The following FHIT variants were observed in gnomAD, a reference collection of about 807,000 sequenced individuals.
FHIT encodes the protein fragile histidine triad diadenosine triphosphatase.
A neutral mutation model predicts 17.9 loss-of-function variants in FHIT; 19 were observed. That is an observed-to-expected ratio of 1.06 (90% CI 0.74 to 1.56). FHIT has a LOEUF of 1.56. Among genes scored for constraint, FHIT ranks in the 40% most tolerant of loss-of-function variants. FHIT has a pLI of 0.00. For synonymous variants in FHIT, 81 were observed against 69.7 expected (o/e 1.16, Z -0.81); for missense variants, 248 against 189.2 (o/e 1.31, Z -1.82).
chr3:60,473,599 T>G (rs569018863), intron 5 of FHIT, among the ~76,000 whole-genome samples: 1 of 152,230 alleles, frequency 6.6e-6, no homozygotes, highest in East Asian at 1.9e-4. Flanking sequence ...TCTTTGGAAA[T>G]ACTGATTTGA....
intron 5 of FHIT, among the ~76,000 whole-genome samples, chr3:60,141,732 A>G (rs1026774097): frequency 6.6e-6 from 1 of 152,206 alleles, no homozygotes; most frequent in Non-Finnish European, 1.5e-5. Flanking sequence ...GTGCTGATTT[A>G]TCCATATTTT....
intron 5 of FHIT, among the ~76,000 whole-genome samples, chr3:60,437,082 G>C (rs535081676): frequency 7.6e-4 from 116 of 152,172 alleles, no homozygotes; most frequent in Middle Eastern, 3.4e-3. Flanking sequence ...CACAGGAGAG[G>C]CCAACTAAAA....
intron 5 of FHIT, among the ~76,000 whole-genome samples, chr3:60,456,475 T>A (rs1343082191): frequency 6.6e-6 from 1 of 152,224 alleles, no homozygotes. Context: ...AAATACAACA[T>A]TAATTATGGA....
intron 2 of FHIT, among the ~76,000 whole-genome samples, chr3:61,071,757 G>A (rs1261883031): frequency 6.6e-6 from 1 of 151,904 alleles, no homozygotes; most frequent in African/African-American, 2.4e-5. Flanking sequence ...ATTTTTGAGT[G>A]TATAAGCAGG....
intron 8 of FHIT, among the ~76,000 whole-genome samples, chr3:59,901,367 C>T (rs73839599): frequency 0.022 from 3,353 of 152,238 alleles, 120 homozygotes; most frequent in African/African-American, 0.075. Flanking sequence ...ATGCCAATCT[C>T]GGGAGAGGTA....
chr3:60,198,111 T>C (rs1351388155), intron 5 of FHIT, among the ~76,000 whole-genome samples: 2 of 140,836 alleles, frequency 1.4e-5, no homozygotes, highest in Non-Finnish European at 3.1e-5. Flanking sequence ...ATGACTTTTT[T>C]TTCTTTTCAA....
chr3:59,886,186 T>G (rs1279453832), intron 8 of FHIT: 1 of 152,204 alleles, frequency 6.6e-6, no homozygotes, highest in African/African-American at 2.4e-5. Flanking sequence ...CTATCATATG[T>G]GACAGTCTGG....
intron 3 of FHIT, among the ~76,000 whole-genome samples, chr3:60,963,050 A>G (rs9818475): frequency 0.74 from 113,316 of 152,106 alleles, 43,417 homozygotes; most frequent in East Asian, 0.87. Context: ...CTGTGAATCC[A>G]TCTGGTCCTG....
chr3:60,535,092 T>C (rs1328189636), intron 5 of FHIT, among the ~76,000 whole-genome samples: 5 of 152,162 alleles, frequency 3.3e-5, no homozygotes, highest in African/African-American at 7.2e-5. Flanking sequence ...AGTGTGGTAG[T>C]GCCTGCCTGT....
intron 5 of FHIT, among the ~76,000 whole-genome samples, chr3:60,282,244 C>G (rs1000495484): frequency 2.6e-5 from 4 of 152,146 alleles, no homozygotes; most frequent in Non-Finnish European, 5.9e-5. Flanking sequence ...AATAATCTGT[C>G]TTTCACAACA....
chr3:60,381,344 G>C (rs946961269), intron 5 of FHIT, among the ~76,000 whole-genome samples: 3 of 152,082 alleles, frequency 2.0e-5, no homozygotes, highest in Admixed American at 6.6e-5. Context: ...TGGGCATGGT[G>C]GTGGGCACCT....
intron 5 of FHIT, among the ~76,000 whole-genome samples, chr3:60,298,655 CTGTTTT>C (rs1036436124): frequency 6.6e-6 from 1 of 152,072 alleles, no homozygotes; most frequent in Admixed American, 6.6e-5. Context: ...TTATAGTGTT[CTGTTTT>C]TATCACAAAG....
At chr3:60,253,658 G>T (rs917005074) in intron 5 of FHIT, among the ~76,000 whole-genome samples, 3 of 152,176 alleles carry the variant, frequency 2.0e-5, no homozygotes, top group African/African-American at 7.2e-5. Flanking sequence ...AAAGCCCACT[G>T]TCCAATACTT....
At chr3:59,903,660 T>C (rs1294027362) in intron 8 of FHIT, among the ~76,000 whole-genome samples, 1 of 151,682 alleles carries the variant, frequency 6.6e-6, no homozygotes, top group African/African-American at 2.4e-5. Context: ...TAGCCTGGAG[T>C]AGTTAGAAAA....
At chr3:61,027,849 T>A (rs2032815562) in intron 3 of FHIT, among the ~76,000 whole-genome samples, 1 of 152,238 alleles carries the variant, frequency 6.6e-6, no homozygotes, top group South Asian at 2.1e-4. Flanking sequence ...TTATTCATAT[T>A]TATAAATTAC....
chr3:60,369,526 T>C (rs1161263979), intron 5 of FHIT, among the ~76,000 whole-genome samples: 1 of 152,224 alleles, frequency 6.6e-6, no homozygotes, highest in African/African-American at 2.4e-5. Flanking sequence ...TATCTTTTCT[T>C]CCCTTAACAT....
At chr3:59,867,064 A>T (rs915267912) in intron 8 of FHIT, among the ~76,000 whole-genome samples, 1 of 150,308 alleles carries the variant, frequency 6.7e-6, no homozygotes, top group Non-Finnish European at 1.5e-5. Flanking sequence ...ACCCTCTTTT[A>T]CAACCACACC....
chr3:61,045,730 T>C (rs2033753475), intron 2 of FHIT, among the ~76,000 whole-genome samples: 1 of 152,136 alleles, frequency 6.6e-6, no homozygotes, highest in Admixed American at 6.5e-5. Context: ...ACTGACCACA[T>C]AGTTGGAAGT....
intron 3 of FHIT, among the ~76,000 whole-genome samples, chr3:60,831,232 T>C (rs1367468021): frequency 1.3e-5 from 2 of 151,938 alleles, no homozygotes; most frequent in Non-Finnish European, 2.9e-5. Flanking sequence ...AAGGAACGAG[T>C]TGAAGCTGAA....
Sources: gnomAD v4.1 joint callset for allele counts (sites outside exome capture counted in the v4.1 genomes callset) on GRCh38, gnomAD v4.1.1 for gene constraint, MANE v1.5 for transcripts, NCBI Gene and HGNC (gene_info 2026-07-23, HGNC 2026-07-21) for gene names.